PTPN12: variants seen among roughly 807,000 people sequenced by gnomAD.
PTPN12 encodes protein tyrosine phosphatase non-receptor type 12, also known as tyrosine-protein phosphatase non-receptor type 12.
Under a neutral mutation model 97.6 loss-of-function variants are expected in PTPN12, and 29 were observed. The observed-to-expected ratio is 0.30, with a 90% CI of 0.22 to 0.41. The LOEUF (loss-of-function observed/expected upper bound fraction) is 0.41, where lower values mean the gene tolerates loss of function less well. Among genes scored for constraint, PTPN12 ranks in the 10% least tolerant of loss-of-function variants. PTPN12 has a pLI of 1.00. For missense variants in PTPN12, 819 were observed against 926.0 expected (o/e 0.88, Z 1.50); for synonymous variants, 327 against 300.4 (o/e 1.09, Z -0.91).
At chr7:77,539,194 C>A (rs1806828489) in intron 1 of PTPN12, among the ~76,000 whole-genome samples, 1 of 152,076 alleles carries the variant, frequency 6.6e-6, no homozygotes, top group Non-Finnish European at 1.5e-5. Flanking sequence ...ATAAAATAGG[C>A]CCTTGACCAT....
intron 1 of PTPN12, among the ~76,000 whole-genome samples, chr7:77,543,061 G>A (rs1367494357): frequency 3.3e-5 from 5 of 152,176 alleles, no homozygotes; most frequent in Non-Finnish European, 7.3e-5. Context: ...AGGAGAACCA[G>A]AGATGTCAGA....
At chr7:77,597,966 G>A (rs979604876) in intron 7 of PTPN12, 65 bp downstream of exon 7, 75 of 1,575,910 alleles carry the variant, frequency 4.8e-5, no homozygotes, top group Non-Finnish European at 6.3e-5. Flanking sequence ...AGTGGCTCAT[G>A]CCTGTAATCC....
Position 77,611,056 on chromosome 7 carries a change from C to T in PTPN12, c.939+10C>T, listed in dbSNP as rs1219823241. The T allele has an allele frequency of 4.4e-6, 7 of 1,584,852 alleles. No individual in the cohort carries two copies. The South Asian group carries it at 7.9e-5, about 18-fold the overall frequency. ...AATTGCTGATGGAGTGGTAGGTGTT[C>T]TTGGTCTATTAATTTTAGGAAACTT... is the stretch of plus-strand genomic sequence containing the variant. On this transcript the variant is annotated intron_variant, in intron 11 of 17. Transcript: ENST00000248594.
chr7:77,613,778 G>A (rs6973482), intron 11 of PTPN12, among the ~76,000 whole-genome samples: 108,794 of 151,932 alleles, frequency 0.72, 40,411 homozygotes, highest in East Asian at 0.9. Flanking sequence ...AGGTTTTACT[G>A]TGTTGCCCAG....
intron 5 of PTPN12, among the ~76,000 whole-genome samples, chr7:77,591,787 A>G (rs1409162610): frequency 6.6e-6 from 1 of 152,254 alleles, no homozygotes; most frequent in Non-Finnish European, 1.5e-5. Context: ...TTTAATGAGA[A>G]TTCAGCCAGA....
chr7:77,537,962 C>A, intron 1 of PTPN12: 1 of 819,094 alleles, frequency 1.2e-6, no homozygotes, highest in Non-Finnish European at 1.5e-6. Flanking sequence ...GAGCCGTAGG[C>A]AAGTGAGGTG....
chr7:77,590,858 C>G (rs1787845470), intron 5 of PTPN12, among the ~76,000 whole-genome samples: 1 of 151,850 alleles, frequency 6.6e-6, no homozygotes, highest in South Asian at 2.1e-4. Flanking sequence ...GCCACCACGC[C>G]CGGCCTCCAT....
At chr7:77,625,472 G>GCTCGCGCTCGCGCTCTCTCT in intron 12 of PTPN12, among the ~76,000 whole-genome samples, 1 of 33,522 alleles carries the variant, frequency 3.0e-5, no homozygotes, top group African/African-American at 1.3e-4. Flanking sequence ...CAGGCTGCTC[G>GCTCGCGCTCGCGCTCTCTCT]CTCTCTCTCT....
intron 2 of PTPN12, among the ~76,000 whole-genome samples, chr7:77,577,285 G>A (rs149604045): frequency 8.6e-4 from 131 of 152,270 alleles, no homozygotes; most frequent in African/African-American, 2.9e-3. Context: ...TCAGTTTTGT[G>A]ATTTGGGCAT....
At chr7:77,537,705 TCC>T in intron 1 of PTPN12, 60 bp downstream of exon 1, 1 of 1,509,508 alleles carries the variant, frequency 6.6e-7, no homozygotes, top group Non-Finnish European at 8.9e-7. Flanking sequence ...TCGCCGCCTC[TCC>T]CGGCCGGGCC....
intron 11 of PTPN12, among the ~76,000 whole-genome samples, chr7:77,615,812 GTAA>G (rs1788731647): frequency 6.6e-6 from 1 of 152,200 alleles, no homozygotes; most frequent in South Asian, 2.1e-4. Context: ...AAAATTATAG[GTAA>G]TAAAAGAGAG....
At chr7:77,545,938 A>T (rs898033822) in intron 1 of PTPN12, 3 of 151,790 alleles carry the variant, frequency 2.0e-5, no homozygotes, top group African/African-American at 7.3e-5. Flanking sequence ...ATTTTATTTT[A>T]TTTTATTTTT....
In PTPN12 at chr7:77,592,198, G is replaced by A. The variant is rs752251143; in HGVS notation, c.434G>A (p.Arg145His). The change falls in exon 6 of 18, where the codon CGC becomes CAC. Residue 145 changes from arginine (R) to histidine (H), a missense_variant. Transcript: ENST00000248594. ...EFEMGRKKCE[R>H]YWPLYGEDPI... ...TTTGGATGACAGAAAAAATGTGAGC[G>A]CTATTGGCCTTTGTATGGAGAAGAC... is the stretch of plus-strand genomic sequence containing the variant. 3 of 1,599,620 alleles carry A rather than the reference G, an allele frequency of 1.9e-6. No homozygotes were observed. Among genetic ancestry groups the A allele is most frequent in the Admixed American group, 1.8e-5 (1 of 56,098 alleles).
chr7:77,564,504 A>T (rs1012023389), intron 1 of PTPN12, among the ~76,000 whole-genome samples: 1 of 152,132 alleles, frequency 6.6e-6, no homozygotes, highest in Admixed American at 6.5e-5. Context: ...TAAAATTCAG[A>T]TGAATTCTCC....
intron 12 of PTPN12, among the ~76,000 whole-genome samples, chr7:77,625,472 G>GCTCTCGCTCGCTCT (rs1554326599): frequency 3.0e-5 from 1 of 33,522 alleles, no homozygotes; most frequent in African/African-American, 1.3e-4. Flanking sequence ...CAGGCTGCTC[G>GCTCTCGCTCGCTCT]CTCTCTCTCT....
At chr7:77,629,939 CAAAAAA>C (rs1168132976) in intron 13 of PTPN12, among the ~76,000 whole-genome samples, 3 of 98,884 alleles carry the variant, frequency 3.0e-5, no homozygotes, top group Non-Finnish European at 6.4e-5. Context: ...GACCCTGTCT[CAAAAAA>C]AAAAAAAAAA....
intron 8 of PTPN12, 97 bp from the exon 9 acceptor site, chr7:77,607,138 T>C (rs1276704284): frequency 3.0e-6 from 3 of 989,336 alleles, no homozygotes; most frequent in Non-Finnish European, 4.5e-6. Flanking sequence ...ACTTCTTAAA[T>C]GATTTTTTGT....
intron 16 of PTPN12, among the ~76,000 whole-genome samples, chr7:77,637,718 G>C (rs1472985176): frequency 6.6e-6 from 1 of 151,320 alleles, no homozygotes; most frequent in Non-Finnish European, 1.5e-5. Flanking sequence ...ATAGCTAGGC[G>C]TCATGCCATC....
At chr7:77,623,735 A>G (rs1202101829) in intron 12 of PTPN12, among the ~76,000 whole-genome samples, 1 of 152,184 alleles carries the variant, frequency 6.6e-6, no homozygotes, top group African/African-American at 2.4e-5. Flanking sequence ...TGTAAATAAA[A>G]TACTGATTAT....
Sources: allele counts gnomAD v4.1 joint callset (sites outside exome capture counted in the v4.1 genomes callset), GRCh38; gene constraint gnomAD v4.1.1; transcripts MANE v1.5; gene names NCBI Gene and HGNC (gene_info 2026-07-23, HGNC 2026-07-21).